Variants in LOC400499 observed in about 807,000 individuals in gnomAD.
At chr16:11,413,013 C>G in the LOC400499 span, 2 of 398,884 alleles carry the variant, frequency 5.0e-6, no homozygotes, top group Non-Finnish European at 8.9e-6. Flanking sequence ...GCCTCACAGG[C>G]TGGGTGGGGA....
chr16:11,527,386 G>A, the LOC400499 span, among the ~76,000 whole-genome samples: 5 of 152,140 alleles, frequency 3.3e-5, no homozygotes, highest in Non-Finnish European at 7.4e-5. Context: ...GCCCGACAGA[G>A]AGGAGGGGAG....
chr16:11,444,783 C>A, the LOC400499 span, among the ~76,000 whole-genome samples: 1 of 152,040 alleles, frequency 6.6e-6, no homozygotes, highest in Non-Finnish European at 1.5e-5. Flanking sequence ...TGATGGATCA[C>A]ACAAAAATAG....
the LOC400499 span, chr16:11,472,109 A>G: frequency 0.35 from 107,699 of 311,928 alleles, 20,711 homozygotes; most frequent in African/African-American, 0.55. Flanking sequence ...AACCCCTACC[A>G]ACAACCAAAT....
the LOC400499 span, chr16:11,460,626 C>T: frequency 6.6e-7 from 1 of 1,518,174 alleles, no homozygotes; most frequent in Non-Finnish European, 8.8e-7. Context: ...TGGATCAACC[C>T]AGAGACCCCT....
chr16:11,501,008 G>C, the LOC400499 span: 7 of 398,858 alleles, frequency 1.8e-5, no homozygotes, highest in Non-Finnish European at 3.1e-5. Flanking sequence ...CTGAGCGCCT[G>C]CAAAGCTCAT....
At chr16:11,373,681 G>A in the LOC400499 span, among the ~76,000 whole-genome samples, 1 of 151,750 alleles carries the variant, frequency 6.6e-6, no homozygotes, top group African/African-American at 2.4e-5. Context: ...GTGCAGTGGT[G>A]CGACCTCAGT....
the LOC400499 span, chr16:11,450,588 C>G: frequency 6.5e-7 from 1 of 1,534,512 alleles, no homozygotes; most frequent in Non-Finnish European, 8.7e-7. Context: ...AGACATATAT[C>G]GGGGGCCGAG....
At chr16:11,468,256 G>A in the LOC400499 span, among the ~76,000 whole-genome samples, 1 of 152,216 alleles carries the variant, frequency 6.6e-6, no homozygotes, top group Admixed American at 6.5e-5. Context: ...CTCAGGGCGT[G>A]CATCAGTACT....
At chr16:11,445,834 C>CT in the LOC400499 span, among the ~76,000 whole-genome samples, 111,465 of 143,960 alleles carry the variant, frequency 0.77, 43,152 homozygotes, top group South Asian at 0.84. Context: ...TCAGGAGAAC[C>CT]TTTTTTTTTT....
chr16:11,477,255 A>T, the LOC400499 span, among the ~76,000 whole-genome samples: 1 of 152,362 alleles, frequency 6.6e-6, no homozygotes, highest in South Asian at 2.1e-4. Context: ...TCTTCACGCC[A>T]GAGAGCACCC....
At chr16:11,495,598 G>T in the LOC400499 span, among the ~76,000 whole-genome samples, 3 of 151,974 alleles carry the variant, frequency 2.0e-5, no homozygotes, top group Non-Finnish European at 2.9e-5. Context: ...CAGGCTGGTG[G>T]TGAACCCCTG....
the LOC400499 span, chr16:11,491,665 G>GCCCCCACCCCCCC: frequency 2.9e-6 from 1 of 344,470 alleles, no homozygotes; most frequent in Non-Finnish European, 5.2e-6. Flanking sequence ...CCCCACCCCT[G>GCCCCCACCCCCCC]CCCACACCCC....
chr16:11,526,865 C>G, the LOC400499 span, among the ~76,000 whole-genome samples: 1 of 152,146 alleles, frequency 6.6e-6, no homozygotes, highest in Admixed American at 6.5e-5. Flanking sequence ...CAGATCTGGT[C>G]TCTGCAGCTC....
chr16:11,455,257 A>G, the LOC400499 span, among the ~76,000 whole-genome samples: 1 of 152,228 alleles, frequency 6.6e-6, no homozygotes, highest in African/African-American at 2.4e-5. Context: ...GGAAGAGAAT[A>G]TGTATTTGAA....
At chr16:11,393,976 C>T in the LOC400499 span, among the ~76,000 whole-genome samples, 2 of 152,162 alleles carry the variant, frequency 1.3e-5, no homozygotes, top group African/African-American at 4.8e-5. Context: ...TAAAAATACC[C>T]ATCTAGGAGC....
At chr16:11,440,685 G>A in the LOC400499 span, 26 of 398,704 alleles carry the variant, frequency 6.5e-5, no homozygotes, top group East Asian at 1.4e-4. Flanking sequence ...ATTAAGACCC[G>A]GCCTCCCTCG....
the LOC400499 span, among the ~76,000 whole-genome samples, chr16:11,483,994 CTTTTTT>C: frequency 6.9e-4 from 24 of 34,850 alleles, 1 homozygote; most frequent in African/African-American, 3.1e-3. Flanking sequence ...GAGGAAGGGA[CTTTTTT>C]TTTTTTTTTT....
chr16:11,508,255 G>C, the LOC400499 span, among the ~76,000 whole-genome samples: 1 of 152,184 alleles, frequency 6.6e-6, no homozygotes, highest in Middle Eastern at 3.2e-3. Flanking sequence ...CAGGGCCTCA[G>C]ATTCTTGATG....
the LOC400499 span, among the ~76,000 whole-genome samples, chr16:11,453,267 C>T: frequency 1.3e-5 from 2 of 152,174 alleles, no homozygotes; most frequent in Non-Finnish European, 2.9e-5. Flanking sequence ...TGCTAAACTG[C>T]TGGTTTTAAT....
Sources: allele counts gnomAD v4.1 joint callset (sites outside exome capture counted in the v4.1 genomes callset), GRCh38; gene constraint gnomAD v4.1.1; transcripts MANE v1.5.